HS3ST2: variants seen among roughly 807,000 people sequenced by gnomAD.
HS3ST2 encodes heparan sulfate glucosamine 3-O-sulfotransferase 2.
Under a neutral mutation model 26.3 loss-of-function variants are expected in HS3ST2, and 17 were observed. That is an observed-to-expected ratio of 0.65 (90% confidence interval 0.44 to 0.97). The LOEUF is 0.97. HS3ST2 is among the 50% of genes least tolerant of loss of function. HS3ST2 has a pLI of 0.00. For missense variants in HS3ST2, 402 were observed against 501.2 expected (o/e 0.80, Z 1.89); for synonymous variants, 237 against 219.2 (o/e 1.08, Z -0.72).
chr16:22,839,863 A>T (rs1379630943), intron 1 of HS3ST2, among the ~76,000 whole-genome samples: 1 of 152,204 alleles, frequency 6.6e-6, no homozygotes, highest in Non-Finnish European at 1.5e-5. Flanking sequence ...GTGGAAGACG[A>T]TTGCTTTCAA....
chr16:22,869,934 T>C (rs1901810391), intron 1 of HS3ST2, among the ~76,000 whole-genome samples: 1 of 152,048 alleles, frequency 6.6e-6, no homozygotes, highest in South Asian at 2.1e-4. Context: ...ACAGACTCCT[T>C]GAGAAAATTG....
chr16:22,869,687 G>T (rs1901805234), intron 1 of HS3ST2, among the ~76,000 whole-genome samples: 1 of 152,154 alleles, frequency 6.6e-6, no homozygotes, highest in Non-Finnish European at 1.5e-5. Context: ...GCGCAGGAAA[G>T]ACCCGCCGCC....
chr16:22,899,617 C>A (rs1020231310), intron 1 of HS3ST2, among the ~76,000 whole-genome samples: 1 of 152,090 alleles, frequency 6.6e-6, no homozygotes, highest in Non-Finnish European at 1.5e-5. Context: ...ACTGGGTAAT[C>A]TGTAAAGGAA....
chr16:22,901,039 G>T (rs1310877787), intron 1 of HS3ST2, among the ~76,000 whole-genome samples: 1 of 152,322 alleles, frequency 6.6e-6, no homozygotes, highest in East Asian at 1.9e-4. Context: ...AGTAGAGAAA[G>T]AGGAACCTGC....
At chr16:22,914,923 G>A (rs778099158) in intron 1 of HS3ST2, 21 bp from the exon 2 acceptor site, 14 of 1,593,722 alleles carry the variant, frequency 8.8e-6, no homozygotes, top group Middle Eastern at 3.3e-4. Flanking sequence ...ATTTGATGAT[G>A]TATTCCTTCT....
chr16:22,863,197 T>C (rs1478419897), intron 1 of HS3ST2, among the ~76,000 whole-genome samples: 1 of 152,232 alleles, frequency 6.6e-6, no homozygotes, highest in East Asian at 1.9e-4. Flanking sequence ...AATCTTGCCC[T>C]TTGGGATAGC....
At chr16:22,860,972 A>G (rs1185075414) in intron 1 of HS3ST2, among the ~76,000 whole-genome samples, 1 of 151,928 alleles carries the variant, frequency 6.6e-6, no homozygotes, top group Non-Finnish European at 1.5e-5. Context: ...TCCTGGGCTC[A>G]AGCAATCTTC....
At chr16:22,850,228 A>G (rs1028603237) in intron 1 of HS3ST2, among the ~76,000 whole-genome samples, 1 of 151,830 alleles carries the variant, frequency 6.6e-6, no homozygotes, top group Non-Finnish European at 1.5e-5. Flanking sequence ...ATGCAATGAT[A>G]TGTAGCATAA....
chr16:22,821,850 G>A (rs1035022201), intron 1 of HS3ST2, among the ~76,000 whole-genome samples: 13 of 152,146 alleles, frequency 8.5e-5, no homozygotes, highest in African/African-American at 2.7e-4. Context: ...TATTAAGTAT[G>A]TTTTTCCAGG....
At position 22,915,769 on chromosome 16, in the gene HS3ST2, A is replaced by C; in HGVS notation, c.*207A>C. 1 of 590,378 alleles carries C rather than the reference A, an allele frequency of 1.7e-6. No homozygotes were observed. 36.6% of individuals were successfully genotyped at this position (590,378 alleles called of 1,614,324 possible). A position where few individuals can be genotyped will look rare whatever the true frequency, so the allele number is the denominator to read the frequency against. The stretch of plus-strand genomic sequence containing the variant: ...TAGTTTTCATCAGTCTGTTCAAGCA[A>C]AGTTGATCTGCTCCTGGCACGTCCA... On this transcript the variant is annotated 3_prime_UTR_variant, in exon 2 of 2. Coordinates refer to ENST00000261374, the MANE Select transcript of HS3ST2 (RefSeq NM_006043.2).
At chr16:22,838,658 G>A (rs1901309358) in intron 1 of HS3ST2, among the ~76,000 whole-genome samples, 1 of 152,136 alleles carries the variant, frequency 6.6e-6, no homozygotes, top group Non-Finnish European at 1.5e-5. Context: ...AAAGGGCAGG[G>A]GGCATGGAGA....
At position 22,915,000 on chromosome 16, in the gene HS3ST2, A is replaced by G; in HGVS notation, c.542A>G (p.Tyr181Cys). Residue 181 changes from tyrosine (Y) to cysteine (C), a missense_variant, in exon 2 of 2, where the codon TAC becomes TGC. Transcript: ENST00000261374. The part of the protein sequence containing the change: ...SQITLEKTPS[Y>C]FVTQEAPRRI... ...ATCACGCTGGAGAAGACGCCCAGCT[A>G]CTTTGTCACTCAAGAGGCTCCTCGA... 2 of 1,613,864 alleles carry G rather than the reference A, an allele frequency of 1.2e-6. No homozygotes were observed. The highest frequency in any genetic ancestry group is 1.1e-5 in the South Asian group (1 of 91,052).
intron 1 of HS3ST2, among the ~76,000 whole-genome samples, chr16:22,872,664 C>T (rs1413578200): frequency 2.6e-5 from 4 of 152,180 alleles, no homozygotes; most frequent in Non-Finnish European, 5.9e-5. Context: ...ACGTAAGTAC[C>T]TCAACCAGCA....
At chr16:22,873,188 C>T (rs17724029) in intron 1 of HS3ST2, among the ~76,000 whole-genome samples, 2,926 of 152,262 alleles carry the variant, frequency 0.019, 41 homozygotes, top group Middle Eastern at 0.075. Context: ...AGTCTAACTT[C>T]GGAGCTAGCA....
At chr16:22,878,020 A>C (rs985371702) in intron 1 of HS3ST2, among the ~76,000 whole-genome samples, 4 of 152,180 alleles carry the variant, frequency 2.6e-5, no homozygotes, top group African/African-American at 9.7e-5. Context: ...AAGATGTGTA[A>C]AACTGTGTTA....
Position 22,903,413 on chromosome 16 carries a change from T to C in HS3ST2, c.486-11531T>C, listed in dbSNP as rs1264569805. Among the ~76,000 whole-genome samples the C allele has an allele frequency of 2.6e-5, 4 of 152,254 alleles. No homozygotes were observed. The East Asian group carries it at 7.7e-4, about 29-fold the overall frequency. On this transcript the variant is annotated intron_variant, in intron 1 of 1. Coordinates refer to ENST00000261374, the MANE Select transcript of HS3ST2 (RefSeq NM_006043.2). Reference sequence around the variant, plus strand: ...TCCAAAGCATCGATGACCACGTGTATGGCTGATGACTGCTGCGTACCCATT... The same window carrying C: ...TCCAAAGCATCGATGACCACGTGTACGGCTGATGACTGCTGCGTACCCATT...
intron 1 of HS3ST2, among the ~76,000 whole-genome samples, chr16:22,865,449 A>C (rs1901737729): frequency 6.6e-6 from 1 of 151,918 alleles, no homozygotes; most frequent in Non-Finnish European, 1.5e-5. Context: ...CCAGCTACTC[A>C]GGAGGCTGAG....
chr16:22,831,543 T>A (rs957194719), intron 1 of HS3ST2, among the ~76,000 whole-genome samples: 2 of 152,196 alleles, frequency 1.3e-5, no homozygotes, highest in Non-Finnish European at 1.5e-5. Flanking sequence ...GATTGTAGGT[T>A]TGATAAGTTC....
At chr16:22,871,008 A>G (rs1901828978) in intron 1 of HS3ST2, among the ~76,000 whole-genome samples, 1 of 152,156 alleles carries the variant, frequency 6.6e-6, no homozygotes, top group African/African-American at 2.4e-5. Flanking sequence ...CCTGTTTTTC[A>G]CTTTCAGTAT....
Sources: allele counts gnomAD v4.1 joint callset (sites outside exome capture counted in the v4.1 genomes callset), GRCh38; gene constraint gnomAD v4.1.1; transcripts MANE v1.5; gene names NCBI Gene and HGNC (gene_info 2026-07-23, HGNC 2026-07-21).